The following EHBP1 variants were observed in gnomAD, a reference collection of about 807,000 sequenced individuals.
EHBP1 encodes the protein EH domain-binding protein 1.
EHBP1 carries 55 observed loss-of-function variants against 144.0 expected under a neutral mutation model. That is an observed-to-expected ratio of 0.38 (90% CI 0.31 to 0.48). The LOEUF (loss-of-function observed/expected upper bound fraction) is 0.48, where lower values mean the gene tolerates loss of function less well. Ranked by LOEUF, EHBP1 falls within the 20% of genes least tolerant of loss-of-function variation. EHBP1 has a pLI of 0.98. For missense variants in EHBP1, 1,200 were observed against 1,364.2 expected (o/e 0.88, Z 1.90); for synonymous variants, 469 against 472.7 (o/e 0.99, Z 0.10).
intron 2 of EHBP1, among the ~76,000 whole-genome samples, chr2:62,720,359 C>T (rs1027791904): frequency 6.6e-6 from 1 of 152,138 alleles, no homozygotes; most frequent in Non-Finnish European, 1.5e-5. Context: ...TAAAATTAGC[C>T]TTCCTTTAAA....
chr2:62,926,743 G>T (rs2055545471), intron 10 of EHBP1, among the ~76,000 whole-genome samples: 1 of 152,016 alleles, frequency 6.6e-6, no homozygotes, highest in Non-Finnish European at 1.5e-5. Context: ...CTGTTGGTGG[G>T]AATGCAAGCC....
chr2:63,029,550 T>G (rs2061141395), intron 19 of EHBP1, among the ~76,000 whole-genome samples: 1 of 151,778 alleles, frequency 6.6e-6, no homozygotes, highest in Non-Finnish European at 1.5e-5. Flanking sequence ...ATTATCATCA[T>G]AGCTTGTAGT....
intron 14 of EHBP1, among the ~76,000 whole-genome samples, chr2:62,974,763 G>A (rs2058642464): frequency 6.6e-6 from 1 of 152,126 alleles, no homozygotes; most frequent in Admixed American, 6.5e-5. Flanking sequence ...CAACATTAAT[G>A]CTGCTAGATT....
At chr2:62,768,891 T>C (rs1449403497) in intron 4 of EHBP1, among the ~76,000 whole-genome samples, 3 of 152,158 alleles carry the variant, frequency 2.0e-5, no homozygotes, top group African/African-American at 7.2e-5. Context: ...ATTCATTACA[T>C]AAATAGAACT....
intron 10 of EHBP1, among the ~76,000 whole-genome samples, chr2:62,918,360 T>C (rs2054809744): frequency 6.6e-6 from 1 of 152,190 alleles, no homozygotes; most frequent in Admixed American, 6.5e-5. Context: ...TGCTCTGTTA[T>C]GGAATAGAAT....
At position 62,993,684 on chromosome 2, in the gene EHBP1, A is replaced by G; in HGVS notation, c.2872+16A>G. ...AATAGACCAGGTAGAACACTTTTTAAAATGTTTTTCCATGTTATGGTTTAA... is the reference window on the plus strand; with the variant it reads ...AATAGACCAGGTAGAACACTTTTTAGAATGTTTTTCCATGTTATGGTTTAA... On this transcript the variant is annotated intron_variant, in intron 17 of 22. Transcript: ENST00000431489. 1 of 1,529,142 alleles carries G rather than the reference A, an allele frequency of 6.5e-7. No individual in the cohort carries two copies. The highest frequency in any genetic ancestry group is 1.3e-5 in the South Asian group (1 of 75,340). The allele number at this position is 1,529,142 out of a possible 1,614,324, so 94.7% of individuals were successfully genotyped here.
At chr2:62,747,241 T>G (rs1342468923) in intron 2 of EHBP1, among the ~76,000 whole-genome samples, 154 bp from the exon 3 acceptor site, 1 of 152,126 alleles carries the variant, frequency 6.6e-6, no homozygotes, top group African/African-American at 2.4e-5. Context: ...GTCACATCTG[T>G]AGTTAACATC....
intron 19 of EHBP1, among the ~76,000 whole-genome samples, chr2:62,996,969 G>A (rs373301747): frequency 1.6e-4 from 25 of 152,106 alleles, no homozygotes; most frequent in Middle Eastern, 6.8e-3. Flanking sequence ...CCCTGATACC[G>A]TGTGAGCCAG....
chr2:62,870,431 C>T (rs1010786008), intron 9 of EHBP1, among the ~76,000 whole-genome samples: 3 of 151,992 alleles, frequency 2.0e-5, no homozygotes, highest in Non-Finnish European at 4.4e-5. Context: ...TATTTTGAGA[C>T]TAGCCAGGTG....
Position 62,918,224 on chromosome 2 carries a change from C to A in EHBP1, c.1186-24494C>A, listed in dbSNP as rs188418845. Among the ~76,000 whole-genome samples, 4 of 152,072 alleles carry A rather than the reference C, an allele frequency of 2.6e-5. No individual in the cohort carries two copies. In the East Asian group the frequency reaches 7.7e-4, roughly 29 times the overall value. ...TTGTGTTTTTTTTCACTGCCTATAT[C>A]ATAATCATTAAACCTGGAATTTCTT... On this transcript the variant is annotated intron_variant, in intron 10 of 22. Coordinates refer to ENST00000431489, the MANE Select transcript of EHBP1 (RefSeq NM_001142616.3).
intron 1 of EHBP1, among the ~76,000 whole-genome samples, chr2:62,685,333 A>G (rs1251802855): frequency 1.3e-5 from 2 of 152,122 alleles, no homozygotes; most frequent in Non-Finnish European, 2.9e-5. Flanking sequence ...ATAGAAAAAA[A>G]GAAGTCTGAG....
chr2:62,979,406 A>T, intron 15 of EHBP1, 71 bp downstream of exon 15: 1 of 1,483,202 alleles, frequency 6.7e-7, no homozygotes, highest in Admixed American at 2.1e-5. Flanking sequence ...GGGACTTTTT[A>T]TTCTTACTTC....
intron 1 of EHBP1, among the ~76,000 whole-genome samples, chr2:62,692,864 A>C (rs1241687085): frequency 6.6e-6 from 1 of 152,160 alleles, no homozygotes; most frequent in African/African-American, 2.4e-5. Context: ...TTGTGTCACA[A>C]ACAATACAAT....
intron 21 of EHBP1, among the ~76,000 whole-genome samples, chr2:63,039,798 C>T (rs1410424549): frequency 6.6e-6 from 1 of 152,074 alleles, no homozygotes; most frequent in Non-Finnish European, 1.5e-5. Flanking sequence ...TGCTTGTAGA[C>T]ATTTCATTTT....
intron 5 of EHBP1, among the ~76,000 whole-genome samples, chr2:62,822,250 C>T (rs910704673): frequency 6.6e-6 from 1 of 152,112 alleles, no homozygotes. Context: ...CTGTTGCTTG[C>T]ATTGTTACTA....
intron 16 of EHBP1, among the ~76,000 whole-genome samples, chr2:62,991,082 T>C (rs1234876498): frequency 6.6e-6 from 1 of 151,820 alleles, no homozygotes; most frequent in Non-Finnish European, 1.5e-5. Context: ...ACTTTGCTAC[T>C]AAAAGTAAAA....
intron 10 of EHBP1, among the ~76,000 whole-genome samples, chr2:62,897,018 G>T (rs2052991242): frequency 6.6e-6 from 1 of 152,086 alleles, no homozygotes; most frequent in Admixed American, 6.6e-5. Flanking sequence ...AACATAAAAA[G>T]ATATACATGG....
intron 2 of EHBP1, among the ~76,000 whole-genome samples, chr2:62,729,290 A>T (rs557524528): frequency 7.5e-6 from 1 of 134,136 alleles, no homozygotes; most frequent in Admixed American, 8.9e-5. Flanking sequence ...GATTTTGCAC[A>T]TATAATATTT....
intron 21 of EHBP1, among the ~76,000 whole-genome samples, chr2:63,042,279 T>G (rs565507876): frequency 6.6e-6 from 1 of 152,270 alleles, no homozygotes; most frequent in South Asian, 2.1e-4. Flanking sequence ...TTTACTTAAT[T>G]TCTCAAATTA....
Sources: gnomAD v4.1 joint callset for allele counts (sites outside exome capture counted in the v4.1 genomes callset) on GRCh38, gnomAD v4.1.1 for gene constraint, MANE v1.5 for transcripts, NCBI Gene and HGNC (gene_info 2026-07-23, HGNC 2026-07-21) for gene names.